DLG5: variants seen among roughly 807,000 people sequenced by gnomAD.
DLG5 encodes the protein discs large MAGUK scaffold protein 5.
A neutral mutation model predicts 189.8 loss-of-function variants in DLG5; 48 were observed. That is an observed-to-expected ratio of 0.25 (90% CI 0.20 to 0.32). The LOEUF is 0.32. Among genes scored for constraint, DLG5 ranks in the 10% least tolerant of loss-of-function variants. DLG5 has a pLI of 1.00. For synonymous variants in DLG5, 1,016 were observed against 1,054.1 expected (o/e 0.96, Z 0.70); for missense variants, 2,160 against 2,544.7 (o/e 0.85, Z 3.25).
At chr10:77,798,345 C>T (rs891111309) in intron 27 of DLG5, among the ~76,000 whole-genome samples, 1 of 152,116 alleles carries the variant, frequency 6.6e-6, no homozygotes, top group Non-Finnish European at 1.5e-5. Context: ...CATGTGGTCC[C>T]GAGTGAAGGC....
At chr10:77,905,364 C>T (rs1846044491) in intron 1 of DLG5, among the ~76,000 whole-genome samples, 1 of 152,100 alleles carries the variant, frequency 6.6e-6, no homozygotes, top group Non-Finnish European at 1.5e-5. Context: ...GGTTGTTTTC[C>T]TAGACCATTC....
rs566936674 is a variant in DLG5, at chr10:77,842,870, C to T, written c.1124+577G>A. Among the ~76,000 whole-genome samples the T allele has an allele frequency of 9.3e-4, 142 of 152,348 alleles. 1 individual carries two copies. Among genetic ancestry groups the T allele is most frequent in the African/African-American group, 3.1e-3 (127 of 41,576 alleles). ...GCTCTGAGAAGTCCTGCAGCAGAGA[C>T]ATCTGTCTGGGTTCAACCTGGCAAT... On this transcript the variant is annotated intron_variant, in intron 6 of 31. Coordinates refer to ENST00000372391, the MANE Select transcript of DLG5 (RefSeq NM_004747.4).
At position 77,809,572 on chromosome 10, in the gene DLG5, A is replaced by G. The variant is rs772396303; in HGVS notation, c.4622T>C (p.Leu1541Pro). 2 of 1,613,968 alleles carry G rather than the reference A, an allele frequency of 1.2e-6. No individual in the cohort carries two copies. Among genetic ancestry groups the G allele is most frequent in the South Asian group, 1.1e-5 (1 of 91,030 alleles). ...DDSPAKGPDG[L>P]VPGDLILEYG... ...CTCCAGGATGAGGTCCCCTGGCACG[A>G]GGCCGTCAGGACCCTTGGCAGGACT... is the stretch of plus-strand genomic sequence containing the variant. Residue 1541 changes from leucine to proline, a missense_variant, in exon 24 of 32, where the codon CTC becomes CCC. Transcript: ENST00000372391.
At chr10:77,819,551 C>A in intron 16 of DLG5, 86 bp from the exon 17 acceptor site, 9 of 1,483,484 alleles carry the variant, frequency 6.1e-6, no homozygotes, top group South Asian at 5.5e-5. Context: ...TATCCCAGGA[C>A]GCAGCCGCAG....
At chr10:77,874,732 A>G (rs1054790857) in intron 1 of DLG5, among the ~76,000 whole-genome samples, 3 of 152,166 alleles carry the variant, frequency 2.0e-5, no homozygotes, top group Non-Finnish European at 2.9e-5. Flanking sequence ...CAGATAAGGG[A>G]TATTCTGCCT....
At chr10:77,902,328 C>G (rs1330407664) in intron 1 of DLG5, among the ~76,000 whole-genome samples, 1 of 152,228 alleles carries the variant, frequency 6.6e-6, no homozygotes, top group African/African-American at 2.4e-5. Context: ...GAACCCAGGA[C>G]TGCTGTTTCA....
intron 1 of DLG5, among the ~76,000 whole-genome samples, chr10:77,886,834 A>T (rs1391206085): frequency 1.3e-5 from 2 of 152,200 alleles, no homozygotes; most frequent in Non-Finnish European, 2.9e-5. Flanking sequence ...GCATCCTTAT[A>T]ACAAGAGATC....
chr10:77,885,406 T>C (rs1444492387), intron 1 of DLG5, among the ~76,000 whole-genome samples: 1 of 152,198 alleles, frequency 6.6e-6, no homozygotes, highest in Non-Finnish European at 1.5e-5. Flanking sequence ...GGGATGTAGA[T>C]TATCTTTCAC....
At position 77,809,682 on chromosome 10, in the gene DLG5, G is replaced by A; in HGVS notation, c.4512C>T (p.Phe1504=). The part of the protein sequence containing the change: ...NKKTLEPRVV[F]IKKSQLELGV... ...CAAGCTCCAGCTGGGACTTTTTGAT[G>A]AAGACAACGCGTGGCTCCAGGGTCT... is the stretch of plus-strand genomic sequence containing the variant. The change falls in exon 24 of 32, where the codon TTC becomes TTT. Residue 1504 remains phenylalanine (F), a synonymous_variant. Coordinates refer to ENST00000372391, the MANE Select transcript of DLG5 (RefSeq NM_004747.4). 1.2e-6 allele frequency: 2 copies of A among 1,614,142 alleles called. No homozygotes were observed. The highest frequency in any genetic ancestry group is 2.2e-5 in the East Asian group (1 of 44,892).
intron 6 of DLG5, 77 bp downstream of exon 6, chr10:77,843,370 C>G: frequency 1.3e-6 from 2 of 1,527,286 alleles, no homozygotes; most frequent in Non-Finnish European, 1.8e-6. Context: ...ATAACTCATG[C>G]TGTTCTCATC....
chr10:77,890,192 G>A (rs182212049), intron 1 of DLG5, among the ~76,000 whole-genome samples: 2 of 152,338 alleles, frequency 1.3e-5, no homozygotes, highest in African/African-American at 4.8e-5. Context: ...ATTTACCAAT[G>A]AGAACGGCAA....
intron 1 of DLG5, among the ~76,000 whole-genome samples, chr10:77,904,857 G>T (rs186141487): frequency 6.7e-6 from 1 of 149,408 alleles, no homozygotes; most frequent in African/African-American, 2.5e-5. Flanking sequence ...GGCCGGGCGC[G>T]GTGGCTCAGG....
chr10:77,819,922 G>C lies in DLG5; in HGVS notation c.3499C>G (p.Pro1167Ala). 4 of 1,602,326 alleles carry C rather than the reference G, an allele frequency of 2.5e-6. No individual in the cohort carries two copies. The highest frequency in any genetic ancestry group is 3.4e-6 in the Non-Finnish European group (4 of 1,174,612). Residue 1167 changes from proline (P) to alanine (A), a missense_variant, in exon 16 of 32, where the codon CCG (proline) becomes GCG (alanine). Coordinates refer to ENST00000372391, the MANE Select transcript of DLG5 (RefSeq NM_004747.4). Reference protein sequence around the residue: ...PGHSSRHSNPPLYPSRPSVGT... With the variant: ...PGHSSRHSNPALYPSRPSVGT... ...ACAGACGGCCTGCTAGGGTATAGCGGGGGGTTGCTGTGCCGGCTGGAATGC... is the reference window on the plus strand; with the variant it reads ...ACAGACGGCCTGCTAGGGTATAGCGCGGGGTTGCTGTGCCGGCTGGAATGC...
rs139837187 is a variant in DLG5 at position 77,806,805 on chromosome 10, G to A, written c.4920C>T (p.Asp1640=). The A allele has an allele frequency of 9.9e-6, 16 of 1,612,494 alleles. No individual in the cohort carries two copies. Among genetic ancestry groups the A allele is most frequent in the East Asian group, 2.2e-5 (1 of 44,794 alleles). Residue 1640 remains aspartate (D), a synonymous_variant, in exon 26 of 32, where the codon GAC becomes GAT. Coordinates refer to ENST00000372391, the MANE Select transcript of DLG5 (RefSeq NM_004747.4). ...CGCGCTGGATCTTCTGGGCATTCTC[G>A]TCCAGCTGCCAAGCCATCCAGGACC... ...TFGSWMAWQL[D]ENAQKIQRGQ...
rs749346138 is a variant in DLG5, at chr10:77,793,967, CCCTGCTG to C, written c.5656+34_5656+40del. On this transcript the variant is annotated intron_variant, in intron 31 of 31. Transcript: ENST00000372391. The stretch of plus-strand genomic sequence containing the variant: ...AGCCTTAGGAAGCCTCTGCTTCCTT[CCCTGCTG>C]CCTGCTCCCCACTCCAGGCCCACGC... The C allele has an allele frequency of 6.4e-6, 10 of 1,573,838 alleles. No individual in the cohort carries two copies. In the Admixed American group the frequency reaches 1.7e-4, roughly 26 times the overall value.
chr10:77,890,739 G>A (rs1465675463), intron 1 of DLG5, among the ~76,000 whole-genome samples: 1 of 152,194 alleles, frequency 6.6e-6, no homozygotes, highest in African/African-American at 2.4e-5. Flanking sequence ...TAGCGCTGGA[G>A]TAGTTATTCT....
At chr10:77,858,239 T>C (rs1281251256) in intron 2 of DLG5, among the ~76,000 whole-genome samples, 1 of 152,048 alleles carries the variant, frequency 6.6e-6, no homozygotes, top group Non-Finnish European at 1.5e-5. Flanking sequence ...CAGTCAATGA[T>C]GGTGGACCAC....
chr10:77,795,502 C>T (rs1840865175), intron 29 of DLG5, among the ~76,000 whole-genome samples: 1 of 152,092 alleles, frequency 6.6e-6, no homozygotes, highest in Non-Finnish European at 1.5e-5. Context: ...GGAAGCAAAG[C>T]CCAGCGAGCG....
chr10:77,914,567 G>T (rs1050849879), intron 1 of DLG5, among the ~76,000 whole-genome samples: 1 of 152,074 alleles, frequency 6.6e-6, no homozygotes, highest in Non-Finnish European at 1.5e-5. Flanking sequence ...CCCCAAGAGT[G>T]GACTCATGAC....
Sources: gnomAD v4.1 joint callset for allele counts (sites outside exome capture counted in the v4.1 genomes callset) on GRCh38, gnomAD v4.1.1 for gene constraint, MANE v1.5 for transcripts, NCBI Gene and HGNC (gene_info 2026-07-23, HGNC 2026-07-21) for gene names.